Variants in CACNB2 observed in about 807,000 individuals in gnomAD.
CACNB2 encodes the protein calcium voltage-gated channel auxiliary subunit beta 2, also known as voltage-dependent L-type calcium channel subunit beta-2.
In CACNB2, 42 loss-of-function variants were observed where a neutral mutation model predicts 73.3. The ratio of observed to expected loss-of-function variants is 0.57; its 90% CI spans 0.45 to 0.74. The LOEUF (loss-of-function observed/expected upper bound fraction) is 0.74. CACNB2 is among the 30% of genes least tolerant of loss of function. The pLI, the probability that CACNB2 is intolerant of heterozygous loss-of-function variation, is 0.00. For synonymous variants in CACNB2, 348 were observed against 310.3 expected, an observed-to-expected ratio of 1.12 and a Z score of -1.28; for missense variants, 940 against 853.0, an observed-to-expected ratio of 1.10 and a Z score of -1.27.
In CACNB2 at chr10:18,543,249, TGCTAAATAC is replaced by T; in HGVS notation, c.*3526_*3534del. On this transcript the variant is annotated 3_prime_UTR_variant, in exon 14 of 14. Coordinates refer to ENST00000324631, the MANE Select transcript of CACNB2 (RefSeq NM_201596.3). ...CTGCAGGGCATCTTTCTTGGGGCAA[TGCTAAATAC>T]TTTATGTTCCTTTAGTAATCTTCCT... The T allele has an allele frequency of 6.6e-6, 1 of 152,122 alleles. No individual in the cohort carries two copies. The allele number at this position is 152,122 out of a possible 1,614,324, so 9.4% of individuals were successfully genotyped here. A position where few individuals can be genotyped will look rare whatever the true frequency, so the allele number is the denominator to read the frequency against.
intron 2 of CACNB2, among the ~76,000 whole-genome samples, chr10:18,301,627 C>G (rs529616333): frequency 1.3e-5 from 2 of 149,076 alleles, no homozygotes; most frequent in Admixed American, 1.4e-4. Context: ...TCAGGTAAAT[C>G]CACTAAGCCT....
At chr10:18,141,215 C>T in intron 1 of CACNB2, 2 of 485,372 alleles carry the variant, frequency 4.1e-6, no homozygotes, top group Non-Finnish European at 7.9e-6. Context: ...TGCTGAAGAT[C>T]GTGAGTCCGG....
chr10:18,327,624 C>T (rs115882272), intron 2 of CACNB2, among the ~76,000 whole-genome samples: 240 of 152,194 alleles, frequency 1.6e-3, no homozygotes, highest in African/African-American at 5.4e-3. Flanking sequence ...GGAGTTTCTC[C>T]ACGAAACCAG....
At chr10:18,490,385 G>C (rs910898465) in intron 3 of CACNB2, among the ~76,000 whole-genome samples, 24 of 152,112 alleles carry the variant, frequency 1.6e-4, no homozygotes, top group Admixed American at 1.4e-3. Context: ...ACGTCATGTC[G>C]AAAGTACCAG....
At chr10:18,308,069 C>T (rs559701619) in intron 2 of CACNB2, among the ~76,000 whole-genome samples, 21 of 135,864 alleles carry the variant, frequency 1.5e-4, no homozygotes, top group African/African-American at 6.0e-4. Context: ...TCTTGGCTCA[C>T]TGCAACCTCC....
At chr10:18,207,073 A>G (rs1316076668) in intron 2 of CACNB2, among the ~76,000 whole-genome samples, 1 of 152,140 alleles carries the variant, frequency 6.6e-6, no homozygotes, top group Non-Finnish European at 1.5e-5. Context: ...CTGTGGCATG[A>G]TCTCAGCTCA....
intron 1 of CACNB2, among the ~76,000 whole-genome samples, chr10:18,145,460 A>G (rs2030869958): frequency 6.6e-6 from 1 of 152,114 alleles, no homozygotes; most frequent in South Asian, 2.1e-4. Flanking sequence ...AGACATGCCA[A>G]TCAGAATTTC....
chr10:18,187,392 C>T (rs1459515301), intron 2 of CACNB2, among the ~76,000 whole-genome samples: 2 of 152,068 alleles, frequency 1.3e-5, no homozygotes, highest in African/African-American at 4.8e-5. Context: ...GTGCACTATG[C>T]ATTAGATTTT....
chr10:18,194,989 G>A (rs2034562764), intron 2 of CACNB2, among the ~76,000 whole-genome samples: 1 of 152,106 alleles, frequency 6.6e-6, no homozygotes, highest in African/African-American at 2.4e-5. Flanking sequence ...CCTTCAATGA[G>A]GCTGATTCTT....
Position 18,350,422 on chromosome 10 carries a change from C to T in CACNB2, c.214-51502C>T, listed in dbSNP as rs117537837. Reference sequence around the variant, plus strand: ...AAAGCAGGAATTGGAAGCAAAAGGGCAGCCTCTTCCATGCACGCAGCCCAC... The same window carrying T: ...AAAGCAGGAATTGGAAGCAAAAGGGTAGCCTCTTCCATGCACGCAGCCCAC... On this transcript the variant is annotated intron_variant, in intron 2 of 13. Transcript: ENST00000324631. 3.3e-3 allele frequency among the ~76,000 whole-genome samples: 497 copies of T among 152,332 alleles called. 3 individuals are homozygous for T. Among genetic ancestry groups the T allele is most frequent in the Middle Eastern group, 6.8e-3 (2 of 294 alleles).
intron 2 of CACNB2, among the ~76,000 whole-genome samples, chr10:18,345,661 A>G (rs2041419904): frequency 6.6e-6 from 1 of 152,158 alleles, no homozygotes; most frequent in Non-Finnish European, 1.5e-5. Flanking sequence ...CCTATCCAAT[A>G]CTATGCTATC....
chr10:18,228,781 C>A (rs2036114970), intron 2 of CACNB2, among the ~76,000 whole-genome samples: 1 of 152,088 alleles, frequency 6.6e-6, no homozygotes, highest in African/African-American at 2.4e-5. Flanking sequence ...CTCTTGTCAC[C>A]CAGGTTGGAG....
At chr10:18,248,199 G>GTTTTCCAAGCTATGTTTTCCA (rs2036942535) in intron 2 of CACNB2, among the ~76,000 whole-genome samples, 1 of 152,204 alleles carries the variant, frequency 6.6e-6, no homozygotes, top group South Asian at 2.1e-4. Context: ...CAAGCTAATT[G>GTTTTCCAAGCTATGTTTTCCA]AGCTGATGTT....
chr10:18,310,876 C>A (rs2039940084), intron 2 of CACNB2, among the ~76,000 whole-genome samples: 2 of 152,002 alleles, frequency 1.3e-5, no homozygotes, highest in Admixed American at 6.5e-5. Context: ...AGCCACTGTG[C>A]CCGGACTGTT....
At position 18,509,615 on chromosome 10, in the gene CACNB2, G is replaced by A. The variant is rs1008251098; in HGVS notation, c.670+3068G>A. ...GGAGTTCAAGACCAGCCTGGACAAT[G>A]TAAGTGAGACCCCGTTTCTAAAAAA... is the stretch of plus-strand genomic sequence containing the variant. On this transcript the variant is annotated intron_variant, in intron 6 of 13. Coordinates refer to ENST00000324631, the MANE Select transcript of CACNB2 (RefSeq NM_201596.3). Among the ~76,000 whole-genome samples, 5 of 152,162 alleles carry A rather than the reference G, an allele frequency of 3.3e-5. No homozygotes were observed. In the South Asian group the frequency reaches 6.2e-4, roughly 19 times the overall value.
intron 2 of CACNB2, among the ~76,000 whole-genome samples, chr10:18,193,857 C>T (rs566939470): frequency 1.3e-5 from 2 of 152,290 alleles, no homozygotes; most frequent in South Asian, 2.1e-4. Context: ...ACACATGAAG[C>T]TTGTTGCTTT....
intron 3 of CACNB2, among the ~76,000 whole-genome samples, chr10:18,462,267 T>A (rs2047623510): frequency 6.6e-6 from 1 of 152,228 alleles, no homozygotes; most frequent in Admixed American, 6.5e-5. Flanking sequence ...GTTGATTGAT[T>A]GATTGAGACA....
chr10:18,232,162 T>C (rs923805669), intron 2 of CACNB2, among the ~76,000 whole-genome samples: 1 of 152,196 alleles, frequency 6.6e-6, no homozygotes, highest in South Asian at 2.1e-4. Flanking sequence ...TTTAAAACCA[T>C]AGTGAGAAGA....
intron 2 of CACNB2, among the ~76,000 whole-genome samples, chr10:18,285,391 G>T (rs544323540): frequency 2.0e-5 from 3 of 152,260 alleles, no homozygotes; most frequent in African/African-American, 7.2e-5. Context: ...TATACACAGC[G>T]GTCACATGTT....
Sources: gnomAD v4.1 joint callset for allele counts (sites outside exome capture counted in the v4.1 genomes callset) on GRCh38, gnomAD v4.1.1 for gene constraint, MANE v1.5 for transcripts, NCBI Gene and HGNC (gene_info 2026-07-23, HGNC 2026-07-21) for gene names.